The following DRD2 variants were observed in gnomAD, a reference collection of about 807,000 sequenced individuals.
DRD2 encodes the protein D(2) dopamine receptor.
A neutral mutation model predicts 38.0 loss-of-function variants in DRD2; 8 were observed. That is an observed-to-expected ratio of 0.21 (90% CI 0.12 to 0.38). The LOEUF (loss-of-function observed/expected upper bound fraction) is 0.38. Among genes scored for constraint, DRD2 ranks in the 10% least tolerant of loss-of-function variants. DRD2 has a pLI of 1.00. For missense variants in DRD2, 403 were observed against 607.7 expected (o/e 0.66, Z 3.54); for synonymous variants, 230 against 238.6 (o/e 0.96, Z 0.33).
At chr11:113,471,691 T>G (rs1951427990) in intron 1 of DRD2, among the ~76,000 whole-genome samples, 1 of 152,068 alleles carries the variant, frequency 6.6e-6, no homozygotes, top group African/African-American at 2.4e-5. Flanking sequence ...ACTGGAAAAT[T>G]CATTGGAAAA....
intron 1 of DRD2, among the ~76,000 whole-genome samples, chr11:113,470,067 G>A (rs1055676691): frequency 1.3e-5 from 2 of 152,154 alleles, no homozygotes; most frequent in African/African-American, 4.8e-5. Context: ...TCTCATTCTA[G>A]GGAAGCCTGG....
At chr11:113,470,513 C>T (rs944908925) in intron 1 of DRD2, among the ~76,000 whole-genome samples, 2 of 152,240 alleles carry the variant, frequency 1.3e-5, no homozygotes, top group African/African-American at 4.8e-5. Flanking sequence ...CAGAGGGCTG[C>T]AGGGGAAACC....
At position 113,443,757 on chromosome 11, in the gene DRD2, T is replaced by C. The variant is rs371178801; in HGVS notation, c.-31-19075A>G. Among the ~76,000 whole-genome samples the C allele has an allele frequency of 8.5e-4, 130 of 152,260 alleles. 5 individuals are homozygous for C. The South Asian group carries it at 0.027, about 31-fold the overall frequency. On this transcript the variant is annotated intron_variant, in intron 1 of 7. Coordinates refer to ENST00000362072, the MANE Select transcript of DRD2 (RefSeq NM_000795.4). Reference sequence around the variant, plus strand: ...GATGCCAAGTCAAAATATTGATCCATGAAAACTAAGTGGAATGCATTGGGA... The same window carrying C: ...GATGCCAAGTCAAAATATTGATCCACGAAAACTAAGTGGAATGCATTGGGA...
At chr11:113,452,469 T>C (rs57656116) in intron 1 of DRD2, among the ~76,000 whole-genome samples, 14,746 of 118,194 alleles carry the variant, frequency 0.12, 929 homozygotes, top group Middle Eastern at 0.16. Context: ...TGTGTGTGTG[T>C]GCGCGCGCGC....
intron 1 of DRD2, among the ~76,000 whole-genome samples, chr11:113,463,521 A>T (rs1485397115): frequency 1.3e-5 from 2 of 152,292 alleles, no homozygotes; most frequent in East Asian, 3.9e-4. Flanking sequence ...AGCCTTGACA[A>T]TCTGGAATGT....
At chr11:113,456,859 T>C (rs925851303) in intron 1 of DRD2, among the ~76,000 whole-genome samples, 1 of 152,222 alleles carries the variant, frequency 6.6e-6, no homozygotes, top group Non-Finnish European at 1.5e-5. Context: ...TATCAAACTG[T>C]ACACGTCAAA....
At chr11:113,426,840 C>A (rs1385631956) in intron 1 of DRD2, among the ~76,000 whole-genome samples, 4 of 152,238 alleles carry the variant, frequency 2.6e-5, no homozygotes, top group Non-Finnish European at 5.9e-5. Flanking sequence ...GCAAAACCAA[C>A]TGAGCCCTCT....
intron 1 of DRD2, among the ~76,000 whole-genome samples, chr11:113,432,541 T>A (rs1327826193): frequency 6.6e-6 from 1 of 152,242 alleles, no homozygotes; most frequent in Admixed American, 6.5e-5. Context: ...TCAGGCTTGA[T>A]GGCGGGTGAG....
At chr11:113,413,309 G>A (rs776500334) in intron 6 of DRD2, 2 of 538,388 alleles carry the variant, frequency 3.7e-6, no homozygotes, top group Non-Finnish European at 7.3e-6. Flanking sequence ...CAAACAAGGG[G>A]CCCAGTGCTC....
chr11:113,474,705 G>A (rs1430233656), intron 1 of DRD2, among the ~76,000 whole-genome samples: 2 of 152,014 alleles, frequency 1.3e-5, no homozygotes, highest in Non-Finnish European at 2.9e-5. Context: ...TGGGGGAAGT[G>A]CCCTCCCGAG....
intron 1 of DRD2, among the ~76,000 whole-genome samples, chr11:113,446,163 C>G (rs1264615597): frequency 6.6e-6 from 1 of 152,166 alleles, no homozygotes; most frequent in Middle Eastern, 3.2e-3. Context: ...TTCAGCTCCC[C>G]CTTCCCACTC....
intron 7 of DRD2, chr11:113,411,937 C>T (rs1950773744): frequency 6.5e-6 from 1 of 153,580 alleles, no homozygotes; most frequent in Non-Finnish European, 1.4e-5. Flanking sequence ...GTTTTCTAGA[C>T]TTCTATTGAA....
intron 1 of DRD2, among the ~76,000 whole-genome samples, chr11:113,453,631 A>T (rs1430645730): frequency 6.6e-6 from 1 of 152,274 alleles, no homozygotes; most frequent in Non-Finnish European, 1.5e-5. Context: ...AATAAGCAAG[A>T]TAGAGTCATT....
intron 7 of DRD2, chr11:113,411,470 T>C (rs1189577761): frequency 6.5e-6 from 1 of 153,594 alleles, no homozygotes; most frequent in Non-Finnish European, 1.4e-5. Flanking sequence ...TGCTAGTCCC[T>C]GCCTTGAACC....
At chr11:113,426,352 G>A (rs772326903) in intron 1 of DRD2, among the ~76,000 whole-genome samples, 11 of 152,244 alleles carry the variant, frequency 7.2e-5, no homozygotes, top group South Asian at 4.2e-4. Flanking sequence ...CTTGACAGCC[G>A]GAGTTTTGGT....
In DRD2 at chr11:113,450,420, A is replaced by C. The variant is rs150731947; in HGVS notation, c.-32+24656T>G. Among the ~76,000 whole-genome samples, 157 of 152,350 alleles carry C rather than the reference A, an allele frequency of 1.0e-3. 1 individual carries two copies. The highest frequency in any genetic ancestry group is 3.5e-3 in the African/African-American group (146 of 41,574). On this transcript the variant is annotated intron_variant, in intron 1 of 7. Transcript: ENST00000362072. ...GGCCCAGAGAGGCTTCTCTATTTGC[A>C]CAAGATTACTCAGCTAGTTAGTAGC...
intron 1 of DRD2, among the ~76,000 whole-genome samples, chr11:113,445,714 C>T (rs563412314): frequency 1.8e-4 from 27 of 152,344 alleles, no homozygotes; most frequent in African/African-American, 5.5e-4. Flanking sequence ...ATCCATTTTT[C>T]GTAGCCATCA....
At chr11:113,473,459 T>A (rs532855674) in intron 1 of DRD2, among the ~76,000 whole-genome samples, 10 of 152,278 alleles carry the variant, frequency 6.6e-5, no homozygotes, top group South Asian at 6.2e-4. Context: ...CTTAGAGAAA[T>A]GCTGCCCGGA....
intron 1 of DRD2, among the ~76,000 whole-genome samples, chr11:113,452,469 T>TGTGTGCGCGC (rs1210531875): frequency 5.0e-5 from 6 of 118,836 alleles, no homozygotes; most frequent in Admixed American, 8.2e-5. Flanking sequence ...TGTGTGTGTG[T>TGTGTGCGCGC]GCGCGCGCGC....
Sources: allele counts gnomAD v4.1 joint callset (sites outside exome capture counted in the v4.1 genomes callset), GRCh38; gene constraint gnomAD v4.1.1; transcripts MANE v1.5; gene names NCBI Gene and HGNC (gene_info 2026-07-23, HGNC 2026-07-21).